PC: variants seen among roughly 807,000 people sequenced by gnomAD.
The protein encoded by PC is pyruvate carboxylase.
A neutral mutation model predicts 107.8 loss-of-function variants in PC; 46 were observed. That is an observed-to-expected ratio of 0.43 (90% CI 0.34 to 0.55). The LOEUF (loss-of-function observed/expected upper bound fraction) is 0.55. Ranked by LOEUF, PC falls within the 20% of genes least tolerant of loss-of-function variation. The pLI is 0.04. For missense variants in PC, 1,241 were observed against 1,643.1 expected (o/e 0.76, Z 4.23); for synonymous variants, 662 against 684.7 (o/e 0.97, Z 0.52).
chr11:66,903,798 A>ACACC lies in PC; in HGVS notation c.1-31640_1-31639insGGTG, dbSNP rs1383615651. ...AATATATATATATATATATACACACACCCACACACACCCACACACATATAT... is the reference window on the plus strand; with the variant it reads ...AATATATATATATATATATACACACACACCCCCACACACACCCACACACATATAT... On this transcript the variant is annotated intron_variant, in intron 3 of 22. Transcript: ENST00000393960. Among the ~76,000 whole-genome samples, 230 of 135,632 alleles carry ACACC rather than the reference A, an allele frequency of 1.7e-3. 1 individual carries two copies. Among genetic ancestry groups the ACACC allele is most frequent in the Non-Finnish European group, 2.9e-3 (184 of 62,648 alleles). 89.0% of individuals were successfully genotyped at this position (135,632 alleles called of 152,430 possible).
At position 66,868,848 on chromosome 11, in the gene PC, G is replaced by C. The variant is rs201344655; in HGVS notation, c.1020C>G (p.Thr340=). The C allele has an allele frequency of 2.1e-5, 34 of 1,610,814 alleles. No individual in the cohort carries two copies. The African/African-American group carries it at 3.2e-4, about 15-fold the overall frequency. ...QVEHTVTEEI[T]DVDLVHAQIH... ...CCCGCCTGCCCGCCCACACTCACTC[G>C]GTGATCTCCTCTGTGACCGTGTGCT... Residue 340 remains threonine (T), a splice_region_variant and synonymous_variant, in exon 10 of 23, where the codon ACC becomes ACG. Transcript: ENST00000393960.
At chr11:66,950,936 C>G (rs1949420349) in intron 3 of PC, among the ~76,000 whole-genome samples, 2 of 151,944 alleles carry the variant, frequency 1.3e-5, no homozygotes, top group African/African-American at 4.8e-5. Context: ...ACAGAGCAAG[C>G]AGAGAGAGAA....
rs1352730094 is a variant in PC at position 66,872,222 on chromosome 11, T to C, written c.1-63A>G. The C allele has an allele frequency of 6.5e-6, 10 of 1,538,060 alleles. No homozygotes were observed. In the Admixed American group the frequency reaches 2.0e-4, roughly 30 times the overall value. On this transcript the variant is annotated intron_variant, in intron 3 of 22. Coordinates refer to ENST00000393960, the MANE Select transcript of PC (RefSeq NM_001040716.2). ...CAGCACTGAGGCTCCTCAGAATGAG[T>C]GAGGGCCCTTCCCAACCCCACAGTG... is the stretch of plus-strand genomic sequence containing the variant.
chr11:66,877,016 C>T (rs1020857897), intron 3 of PC, among the ~76,000 whole-genome samples: 1 of 152,180 alleles, frequency 6.6e-6, no homozygotes, highest in East Asian at 1.9e-4. Context: ...CTTCAGGAGG[C>T]GGCCCGCAGG....
At chr11:66,917,751 C>A (rs1349903934) in intron 3 of PC, among the ~76,000 whole-genome samples, 2 of 152,186 alleles carry the variant, frequency 1.3e-5, no homozygotes, top group Non-Finnish European at 2.9e-5. Flanking sequence ...AAACTCCTGG[C>A]ATTCTGTATA....
Position 66,870,864 on chromosome 11 carries a change from T to A in PC, c.662A>T (p.Tyr221Phe), listed in dbSNP as rs1334114597. 2 of 1,613,292 alleles carry A rather than the reference T, an allele frequency of 1.2e-6. No homozygotes were observed. The highest frequency in any genetic ancestry group is 4.5e-5 in the East Asian group (2 of 44,866). ...EELEENYTRA[Y>F]SEALAAFGNG... is the part of the protein sequence containing the mutation. ...CCCAAAGGCGGCCAGAGCCTCTGAG[T>A]AGGCCCGGGTGTAATTCTCCTCCAG... Residue 221 changes from tyrosine (Y) to phenylalanine (F), a missense_variant, in exon 8 of 23, where the codon TAC (tyrosine) becomes TTC (phenylalanine). Tyr to Phe is a conservative substitution (Grantham distance 22, BLOSUM62 3). Coordinates refer to ENST00000393960, the MANE Select transcript of PC (RefSeq NM_001040716.2). The surrounding 1 kb of genome is among the most constrained non-coding windows in gnomAD (Gnocchi z 6.1).
chr11:66,898,289 C>G (rs879118289), intron 3 of PC, among the ~76,000 whole-genome samples: 2 of 152,200 alleles, frequency 1.3e-5, no homozygotes, highest in Admixed American at 1.3e-4. Context: ...AAATCACAGT[C>G]TTTTAGCCGA....
intron 3 of PC, among the ~76,000 whole-genome samples, chr11:66,934,798 T>G (rs1254554008): frequency 6.6e-6 from 1 of 152,064 alleles, no homozygotes; most frequent in East Asian, 1.9e-4. Context: ...AGAGATGAGG[T>G]TTCACCATGT....
chr11:66,942,884 C>T (rs1039341096), intron 3 of PC, among the ~76,000 whole-genome samples: 4 of 151,708 alleles, frequency 2.6e-5, no homozygotes, highest in East Asian at 3.9e-4. Context: ...GGTCTGGTGG[C>T]GGGCGTCTGT....
intron 3 of PC, among the ~76,000 whole-genome samples, chr11:66,881,170 C>A (rs993333990): frequency 6.6e-6 from 1 of 152,218 alleles, no homozygotes; most frequent in African/African-American, 2.4e-5. Context: ...ACCACCATCA[C>A]CCAAAGATCC....
intron 3 of PC, among the ~76,000 whole-genome samples, chr11:66,940,056 G>A (rs1384812234): frequency 6.6e-6 from 1 of 152,002 alleles, no homozygotes. Flanking sequence ...AGACAAGTTG[G>A]ACTTCAAGAA....
In PC at chr11:66,850,206, C is replaced by T. The variant is rs745905844; in HGVS notation, c.2718+14G>A. 53 of 1,613,734 alleles carry T rather than the reference C, an allele frequency of 3.3e-5. No individual in the cohort carries two copies. The highest frequency in any genetic ancestry group is 2.4e-4 in the African/African-American group (18 of 74,922). On this transcript the variant is annotated intron_variant, in intron 19 of 22. Transcript: ENST00000393960. Reference sequence around the variant, plus strand: ...CAGGGCTGGGTCAGGTAAGGAGCACCGGGCCGGGCTCACCTTGATGAGATC... The same window carrying T: ...CAGGGCTGGGTCAGGTAAGGAGCACTGGGCCGGGCTCACCTTGATGAGATC...
chr11:66,907,005 C>T (rs1278639874), intron 3 of PC, among the ~76,000 whole-genome samples: 1 of 152,242 alleles, frequency 6.6e-6, no homozygotes, highest in African/African-American at 2.4e-5. Flanking sequence ...TGTTCTGTAA[C>T]TCCAGGGCAT....
At chr11:66,896,315 G>A (rs772934259) in intron 3 of PC, among the ~76,000 whole-genome samples, 6 of 152,162 alleles carry the variant, frequency 3.9e-5, no homozygotes, top group Non-Finnish European at 8.8e-5. Flanking sequence ...CTGGCCTCAA[G>A]TGATCCACCT....
At chr11:66,862,299 C>G (rs552664341) in intron 12 of PC, among the ~76,000 whole-genome samples, 1 of 152,312 alleles carries the variant, frequency 6.6e-6, no homozygotes, top group East Asian at 1.9e-4. Context: ...GTGCGCTGTT[C>G]CCTCTTAAGG....
At chr11:66,883,030 G>A (rs78144798) in intron 3 of PC, among the ~76,000 whole-genome samples, 23,050 of 152,204 alleles carry the variant, frequency 0.15, 2,256 homozygotes, top group Non-Finnish European at 0.22. Context: ...GGTGCTCGCC[G>A]AGGCTCAGCT....
chr11:66,941,079 A>T (rs1393482744), intron 3 of PC, among the ~76,000 whole-genome samples: 4 of 35,450 alleles, frequency 1.1e-4, no homozygotes, highest in Non-Finnish European at 2.4e-4. Flanking sequence ...GACTCCATCT[A>T]AAAAAAAAAA....
intron 3 of PC, among the ~76,000 whole-genome samples, chr11:66,911,842 C>A (rs1464896544): frequency 6.6e-6 from 1 of 152,040 alleles, no homozygotes; most frequent in Non-Finnish European, 1.5e-5. Context: ...ACCAGCCTGA[C>A]CAATATAGTG....
At chr11:66,859,130 G>GCGCCCTTCCTC (rs745580158) in intron 12 of PC, 2 of 1,473,024 alleles carry the variant, frequency 1.4e-6, no homozygotes, top group Admixed American at 2.5e-5. Context: ...TGCACTCCCG[G>GCGCCCTTCCTC]CGCCCTTCCT....
Sources: gnomAD v4.1 joint callset for allele counts (sites outside exome capture counted in the v4.1 genomes callset) on GRCh38, gnomAD v4.1.1 for gene constraint, Gnocchi (gnomAD v3.1) non-coding constraint, MANE v1.5 for transcripts, NCBI Gene and HGNC (gene_info 2026-07-23, HGNC 2026-07-21) for gene names.